Variants in CCDC38 observed in about 807,000 individuals in gnomAD.
CCDC38 encodes coiled-coil domain containing 38.
CCDC38 carries 69 observed loss-of-function variants against 72.8 expected under a neutral mutation model. The ratio of observed to expected loss-of-function variants is 0.95; its 90% CI spans 0.78 to 1.16. CCDC38 has a LOEUF of 1.16. Among genes scored for constraint, CCDC38 ranks in the 50% most tolerant of loss-of-function variants. The pLI is 0.00. For missense variants in CCDC38, 626 were observed against 638.9 expected (o/e 0.98, Z 0.22); for synonymous variants, 201 against 213.2 (o/e 0.94, Z 0.50).
rs981433474 is a variant in CCDC38, at chr12:95,913,636, A to T, written c.304+3493T>A. On this transcript the variant is annotated intron_variant, in intron 4 of 15. Coordinates refer to ENST00000344280, the MANE Select transcript of CCDC38 (RefSeq NM_182496.3). ...ATAAGTAAGCCCGGGTAGATACACT[A>T]CTTTACTTTGTAATGGTGTTGTGAG... is the stretch of plus-strand genomic sequence containing the variant. Among the ~76,000 whole-genome samples, 5 of 152,198 alleles carry T rather than the reference A, an allele frequency of 3.3e-5. No individual in the cohort carries two copies. The East Asian group carries it at 9.6e-4, about 29-fold the overall frequency.
chr12:95,938,465 G>A (rs765267241), intron 1 of CCDC38, among the ~76,000 whole-genome samples: 2 of 151,948 alleles, frequency 1.3e-5, no homozygotes, highest in South Asian at 4.1e-4. Context: ...AAGTCTTTTT[G>A]CAATGAGCAT....
In CCDC38 at chr12:95,890,819, A is replaced by G. The variant is rs763514846; in HGVS notation, c.871+13T>C. 6.5e-6 allele frequency: 10 copies of G among 1,539,186 alleles called. No homozygotes were observed. The highest frequency in any genetic ancestry group is 9.0e-6 in the Non-Finnish European group (10 of 1,116,396). On this transcript the variant is annotated intron_variant, in intron 9 of 15. Transcript: ENST00000344280. ...GCAGGTTTTACTTTCATGAGTCCCA[A>G]ATCTACCTTTACCTTGGCTGTCTCT... is the stretch of plus-strand genomic sequence containing the variant.
chr12:95,936,329 C>T, intron 2 of CCDC38, 144 bp downstream of exon 2: 3 of 705,602 alleles, frequency 4.3e-6, no homozygotes, highest in Non-Finnish European at 6.5e-6. Flanking sequence ...AAAAGTAGAA[C>T]AGAATCTTCT....
At chr12:95,899,002 G>A (rs2079923204) in intron 5 of CCDC38, among the ~76,000 whole-genome samples, 1 of 152,208 alleles carries the variant, frequency 6.6e-6, no homozygotes, top group South Asian at 2.1e-4. Context: ...CCTCCAAAGA[G>A]CAGGTGCATC....
rs67478657 is a variant in CCDC38, at chr12:95,892,081, C to CTTT, written c.773-1154_773-1152dup. 3.4e-3 allele frequency among the ~76,000 whole-genome samples: 337 copies of CTTT among 97,960 alleles called. 5 individuals are homozygous for CTTT. The highest frequency in any genetic ancestry group is 5.8e-3 in the African/African-American group (127 of 21,938). The allele number at this position is 97,960 out of a possible 152,430, so 64.3% of individuals were successfully genotyped here. On this transcript the variant is annotated intron_variant, in intron 8 of 15. Coordinates refer to ENST00000344280, the MANE Select transcript of CCDC38 (RefSeq NM_182496.3). ...TTCCCCTCTCCAAGGGATCACTCTG[C>CTTT]TTTTTTTTTTTTTTTTTTTTTGAGA... is the stretch of plus-strand genomic sequence containing the variant.
intron 7 of CCDC38, among the ~76,000 whole-genome samples, chr12:95,896,222 A>G (rs1380071870): frequency 1.3e-5 from 2 of 152,214 alleles, no homozygotes; most frequent in Non-Finnish European, 1.5e-5. Flanking sequence ...CTTATCTTGG[A>G]AAGGAGATGT....
At chr12:95,936,762 G>A (rs1175017733) in intron 1 of CCDC38, among the ~76,000 whole-genome samples, 1 of 152,200 alleles carries the variant, frequency 6.6e-6, no homozygotes, top group Admixed American at 6.5e-5. Flanking sequence ...TAAATACAGA[G>A]TTGACCAAAT....
chr12:95,912,588 T>A (rs1296290287), intron 4 of CCDC38, among the ~76,000 whole-genome samples: 1 of 152,136 alleles, frequency 6.6e-6, no homozygotes, highest in African/African-American at 2.4e-5. Flanking sequence ...TGTTACATAT[T>A]TTCAAATAGC....
chr12:95,875,068 C>T (rs1192625668), intron 13 of CCDC38, among the ~76,000 whole-genome samples: 1 of 152,180 alleles, frequency 6.6e-6, no homozygotes, highest in Non-Finnish European at 1.5e-5. Context: ...ACAACTGCTA[C>T]ACTAAACAAC....
chr12:95,887,405 A>C (rs774440916), intron 10 of CCDC38, among the ~76,000 whole-genome samples: 1 of 152,250 alleles, frequency 6.6e-6, no homozygotes, highest in Non-Finnish European at 1.5e-5. Context: ...TCCATACCAT[A>C]GTATACTACT....
chr12:95,909,970 C>A lies in CCDC38; in HGVS notation c.305-3519G>T, dbSNP rs571292106. ...ATACGGAACAGGTAAAAGTTAGAAG[C>A]ATTTCCCCTAAGAACTGGAACAAGA... On this transcript the variant is annotated intron_variant, in intron 4 of 15. Coordinates refer to ENST00000344280, the MANE Select transcript of CCDC38 (RefSeq NM_182496.3). 3.3e-5 allele frequency among the ~76,000 whole-genome samples: 5 copies of A among 152,274 alleles called. No homozygotes were observed. The East Asian group carries it at 9.6e-4, about 29-fold the overall frequency.
chr12:95,883,980 C>T (rs965677215), intron 10 of CCDC38, among the ~76,000 whole-genome samples: 3 of 152,290 alleles, frequency 2.0e-5, no homozygotes, highest in Admixed American at 6.5e-5. Context: ...AATCCTCCAG[C>T]TAACGTTATA....
chr12:95,918,329 G>A (rs6538685), intron 3 of CCDC38, among the ~76,000 whole-genome samples: 112,622 of 152,102 alleles, frequency 0.74, 43,278 homozygotes, highest in East Asian at 0.99. Flanking sequence ...ACACACATAT[G>A]CATTGTCTTA....
intron 2 of CCDC38, chr12:95,919,669 T>C (rs929518297): frequency 2.2e-5 from 10 of 454,790 alleles, no homozygotes; most frequent in Non-Finnish European, 4.4e-5. Context: ...TTTACCAAAA[T>C]AGTAGGATAA....
chr12:95,880,799 T>C (rs1252529139), intron 11 of CCDC38, among the ~76,000 whole-genome samples: 1 of 152,164 alleles, frequency 6.6e-6, no homozygotes, highest in Non-Finnish European at 1.5e-5. Context: ...AGTAAAACTT[T>C]TAGAAACAGA....
chr12:95,913,362 A>G (rs900581416), intron 4 of CCDC38, among the ~76,000 whole-genome samples: 2 of 152,138 alleles, frequency 1.3e-5, no homozygotes, highest in African/African-American at 2.4e-5. Context: ...AAACTTGCCT[A>G]TTGACAGATT....
intron 14 of CCDC38, among the ~76,000 whole-genome samples, chr12:95,871,596 A>C (rs1034089455): frequency 6.6e-6 from 1 of 152,234 alleles, no homozygotes; most frequent in Admixed American, 6.5e-5. Flanking sequence ...TCTCCTTTGA[A>C]GGGCACCAAG....
chr12:95,937,652 T>C (rs772729326), intron 1 of CCDC38, among the ~76,000 whole-genome samples: 12 of 152,178 alleles, frequency 7.9e-5, no homozygotes, highest in Non-Finnish European at 1.8e-4. Flanking sequence ...CTCAGGAATC[T>C]CAAAGAGCCA....
intron 4 of CCDC38, among the ~76,000 whole-genome samples, chr12:95,912,198 A>T (rs1417870559): frequency 6.6e-6 from 1 of 152,170 alleles, no homozygotes; most frequent in Non-Finnish European, 1.5e-5. Context: ...GGAATAATAG[A>T]CACTGAGGCC....
Sources: gnomAD v4.1 joint callset for allele counts (sites outside exome capture counted in the v4.1 genomes callset) on GRCh38, gnomAD v4.1.1 for gene constraint, MANE v1.5 for transcripts, NCBI Gene and HGNC (gene_info 2026-07-23, HGNC 2026-07-21) for gene names.